The following GTF3C2 variants were observed in gnomAD, a reference collection of about 807,000 sequenced individuals.
GTF3C2 encodes the protein general transcription factor 3C polypeptide 2.
A neutral mutation model predicts 117.4 loss-of-function variants in GTF3C2; 17 were observed. That is an observed-to-expected ratio of 0.14 (90% CI 0.10 to 0.22). The LOEUF is 0.22. Ranked by LOEUF, GTF3C2 falls within the 10% of genes least tolerant of loss-of-function variation. The pLI is 1.00. For missense variants in GTF3C2, 888 were observed against 1,143.6 expected, an observed-to-expected ratio of 0.78 and a Z score of 3.22; for synonymous variants, 437 against 427.0, an observed-to-expected ratio of 1.02 and a Z score of -0.29.
chr2:27,338,613 C>T (rs943696218), intron 4 of GTF3C2, among the ~76,000 whole-genome samples: 3 of 152,132 alleles, frequency 2.0e-5, no homozygotes, highest in African/African-American at 7.2e-5. Flanking sequence ...TCACTGCAGC[C>T]CCAGCTTCTG....
exon 4 of GTF3C2, chr2:27,342,125 C>T (rs766572444): frequency 6.2e-7 from 1 of 1,614,164 alleles, no homozygotes; most frequent in Admixed American, 1.7e-5. Context: ...GCTGCCGGAT[C>T]TTCTTCGGTT....
At chr2:27,338,158 G>A (rs1418771754) in intron 4 of GTF3C2, 138 bp from the exon 5 acceptor site, 1 of 673,750 alleles carries the variant, frequency 1.5e-6, no homozygotes, top group African/African-American at 1.8e-5. Context: ...CATCTTAAAA[G>A]ATTTGTGTTT....
exon 19 of GTF3C2, chr2:27,326,235 A>T: frequency 2.1e-6 from 1 of 473,478 alleles, no homozygotes; most frequent in Non-Finnish European, 4.4e-6. Context: ...AGGAAGTTTC[A>T]GAAGGCAGTA....
intron 1 of GTF3C2, among the ~76,000 whole-genome samples, chr2:27,351,889 A>G (rs913119737): frequency 1.3e-4 from 20 of 152,168 alleles, no homozygotes; most frequent in Non-Finnish European, 2.2e-4. Context: ...CATCTTGTAA[A>G]AATCTTGTTC....
At chr2:27,339,476 T>C (rs1036156570) in intron 4 of GTF3C2, 1 of 152,028 alleles carries the variant, frequency 6.6e-6, no homozygotes, top group Non-Finnish European at 1.5e-5. Context: ...ATTTTGATAT[T>C]TTGTTCATCA....
rs547906023 is a variant in GTF3C2 at position 27,326,242 on chromosome 2, A to C, written c.*433T>G. The C allele has an allele frequency of 3.7e-4, 175 of 474,188 alleles. 1 individual carries two copies. Among genetic ancestry groups the C allele is most frequent in the African/African-American group, 3.1e-3 (156 of 50,316 alleles). 29.4% of individuals were successfully genotyped at this position (474,188 alleles called of 1,614,324 possible). A position where few individuals can be genotyped will look rare whatever the true frequency, so the allele number is the denominator to read the frequency against. ...CCCTAAAGAGGAAGTTTCAGAAGGCAGTAATATTGGATCCTGGAATAGTCA... is the reference window on the plus strand; with the variant it reads ...CCCTAAAGAGGAAGTTTCAGAAGGCCGTAATATTGGATCCTGGAATAGTCA... On this transcript the variant is annotated 3_prime_UTR_variant, in exon 19 of 19. Coordinates refer to ENST00000264720, the Ensembl canonical transcript of GTF3C2.
chr2:27,348,440 C>G (rs1044866991), intron 1 of GTF3C2, among the ~76,000 whole-genome samples: 45 of 151,264 alleles, frequency 3.0e-4, no homozygotes, highest in African/African-American at 1.0e-3. Flanking sequence ...TCTCAAAAAA[C>G]AAAAAACAAA....
At chr2:27,354,508 C>T (rs2148350032) in intron 1 of GTF3C2, among the ~76,000 whole-genome samples, 1 of 152,334 alleles carries the variant, frequency 6.6e-6, no homozygotes, top group East Asian at 1.9e-4. Context: ...CGCCTGTAAT[C>T]CCAGCACTTT....
At chr2:27,345,745 C>T (rs1356455706) in intron 1 of GTF3C2, among the ~76,000 whole-genome samples, 2 of 148,028 alleles carry the variant, frequency 1.4e-5, no homozygotes, top group African/African-American at 5.0e-5. Context: ...TGGAGTTTCA[C>T]TATCGTTGCC....
intron 1 of GTF3C2, among the ~76,000 whole-genome samples, chr2:27,348,875 C>T (rs1241324063): frequency 1.3e-5 from 2 of 152,154 alleles, no homozygotes; most frequent in Non-Finnish European, 2.9e-5. Flanking sequence ...TTGCTCTTGT[C>T]ACCCAGGCTG....
chr2:27,342,132 G>A (rs201098112), exon 4 of GTF3C2: 11 of 1,614,120 alleles, frequency 6.8e-6, no homozygotes, highest in Admixed American at 3.3e-5. Context: ...GATCTTCTTC[G>A]GTTTGGTGGG....
At chr2:27,346,330 CTTTTTTTTTTTTTTTTTTTTTTTTT>C (rs144256545) in intron 1 of GTF3C2, among the ~76,000 whole-genome samples, 25 of 64,354 alleles carry the variant, frequency 3.9e-4, no homozygotes, top group Admixed American at 1.2e-3. Context: ...ATTCTGATAC[CTTTTTTTTTTTTTTTTTTTTTTTTT>C]TTTTTTTTTT....
At chr2:27,342,332 C>G in intron 3 of GTF3C2, 99 bp from the exon 4 acceptor site, 1 of 928,136 alleles carries the variant, frequency 1.1e-6, no homozygotes, top group Non-Finnish European at 1.6e-6. Context: ...CTCCCAATAA[C>G]CCCATGATTA....
intron 10 of GTF3C2, 48 bp from the exon 11 acceptor site, chr2:27,334,047 A>C: frequency 6.8e-7 from 1 of 1,469,092 alleles, no homozygotes; most frequent in Non-Finnish European, 9.5e-7. Flanking sequence ...CCAAGGACTC[A>C]GCAGGTCTTA....
rs926634321 is a variant in GTF3C2, at chr2:27,341,872, C to G, written c.855+76G>C. The G allele has an allele frequency of 4.0e-5, 51 of 1,270,542 alleles. 1 individual carries two copies. Among genetic ancestry groups the G allele is most frequent in the Non-Finnish European group, 1.1e-5 (10 of 894,590 alleles). 78.7% of individuals were successfully genotyped at this position (1,270,542 alleles called of 1,614,324 possible). A position where few individuals can be genotyped will look rare whatever the true frequency, so the allele number is the denominator to read the frequency against. On this transcript the variant is annotated intron_variant, in intron 4 of 18. Transcript: ENST00000264720. The stretch of plus-strand genomic sequence containing the variant: ...TTATAGTTACCAGGTCAAAGCTGTC[C>G]TTCCTTTCTCAGTACCTTGCTGGTC...
At chr2:27,349,644 A>G (rs940784493) in intron 1 of GTF3C2, among the ~76,000 whole-genome samples, 27 of 143,458 alleles carry the variant, frequency 1.9e-4, no homozygotes, top group Non-Finnish European at 2.3e-4. Flanking sequence ...AGGGAGTACT[A>G]TTTTTTTTTT....
intron 1 of GTF3C2, among the ~76,000 whole-genome samples, chr2:27,352,792 T>C (rs1681179601): frequency 1.3e-5 from 2 of 152,228 alleles, no homozygotes; most frequent in African/African-American, 4.8e-5. Flanking sequence ...TCATCAATAA[T>C]CACTGTATTA....
chr2:27,342,682 G>C (rs1680776994), intron 3 of GTF3C2, 144 bp downstream of exon 3: 4 of 643,086 alleles, frequency 6.2e-6, no homozygotes, highest in Non-Finnish European at 1.1e-5. Context: ...TGCGGTAAGA[G>C]CCTAAAGGAC....
In GTF3C2 at chr2:27,339,203, T is replaced by TC. The variant is rs533974159; in HGVS notation, c.856-1184dup. Reference sequence around the variant, plus strand: ...GCGGGCGGATCACGAGGTCAGGAGTTCGAGACCAGCCTAACCAACACGGTG... The same window carrying TC: ...GCGGGCGGATCACGAGGTCAGGAGTTCCGAGACCAGCCTAACCAACACGGTG... On this transcript the variant is annotated intron_variant, in intron 4 of 18. Coordinates refer to ENST00000264720, the Ensembl canonical transcript of GTF3C2. Among the ~76,000 whole-genome samples, 569 of 151,730 alleles carry TC rather than the reference T, an allele frequency of 3.8e-3. 1 individual carries two copies. The highest frequency in any genetic ancestry group is 0.013 in the African/African-American group (533 of 41,396).
Sources: gnomAD v4.1 joint callset for allele counts (sites outside exome capture counted in the v4.1 genomes callset) on GRCh38, gnomAD v4.1.1 for gene constraint, MANE v1.5 for transcripts, NCBI Gene and HGNC (gene_info 2026-07-23, HGNC 2026-07-21) for gene names.